Variants in USP37 observed in about 807,000 individuals in gnomAD.
USP37 encodes ubiquitin specific peptidase 37.
A neutral mutation model predicts 124.0 loss-of-function variants in USP37; 27 were observed. The observed-to-expected ratio is 0.22, with a 90% confidence interval of 0.16 to 0.30. The LOEUF (loss-of-function observed/expected upper bound fraction) is 0.30. Ranked by LOEUF, USP37 falls within the 10% of genes least tolerant of loss-of-function variation. USP37 has a pLI of 1.00. For synonymous variants in USP37, 365 were observed against 388.0 expected, an observed-to-expected ratio of 0.94 and a Z score of 0.70; for missense variants, 889 against 1,140.4, an observed-to-expected ratio of 0.78 and a Z score of 3.17.
intron 2 of USP37, among the ~76,000 whole-genome samples, chr2:218,561,956 T>C (rs182225623): frequency 2.3e-3 from 350 of 152,352 alleles, no homozygotes; most frequent in Non-Finnish European, 2.4e-3. Context: ...GATTTTTATG[T>C]GTTCTCCCCA....
intron 10 of USP37, among the ~76,000 whole-genome samples, chr2:218,520,295 C>T (rs1439925599): frequency 6.9e-6 from 1 of 145,272 alleles, no homozygotes; most frequent in Non-Finnish European, 1.5e-5. Flanking sequence ...GTTAACAATT[C>T]TTTATTATCA....
chr2:218,519,924 C>T (rs1690511898), intron 10 of USP37, among the ~76,000 whole-genome samples: 1 of 151,572 alleles, frequency 6.6e-6, no homozygotes, highest in African/African-American at 2.4e-5. Context: ...TTTCAATGCT[C>T]TGAAAATTCC....
At chr2:218,546,390 A>G in intron 7 of USP37, 92 bp from the exon 8 acceptor site, 1 of 805,998 alleles carries the variant, frequency 1.2e-6, no homozygotes, top group Non-Finnish European at 2.0e-6. Flanking sequence ...AGGAAATGGG[A>G]CTACTATTAT....
intron 23 of USP37, 83 bp from the exon 24 acceptor site, chr2:218,457,244 G>T: frequency 2.2e-6 from 3 of 1,342,384 alleles, no homozygotes; most frequent in Non-Finnish European, 3.1e-6. Context: ...TATCAAAGCT[G>T]ACATGGCTAA....
At chr2:218,511,613 T>A (rs1267349272) in intron 10 of USP37, among the ~76,000 whole-genome samples, 2 of 149,908 alleles carry the variant, frequency 1.3e-5, no homozygotes, top group African/African-American at 4.9e-5. Flanking sequence ...CCCAGCCTAA[T>A]TTTTTTGTAT....
intron 20 of USP37, among the ~76,000 whole-genome samples, chr2:218,472,617 A>C (rs868324690): frequency 1.6e-4 from 25 of 151,756 alleles, no homozygotes; most frequent in African/African-American, 6.1e-4. Flanking sequence ...CAGACATGCA[A>C]CATCACACCC....
intron 1 of USP37, among the ~76,000 whole-genome samples, chr2:218,567,895 G>A (rs1693728416): frequency 6.6e-6 from 1 of 152,202 alleles, no homozygotes; most frequent in Non-Finnish European, 1.5e-5. Flanking sequence ...GGCCCTGTTA[G>A]AAGGTAAGAG....
Position 218,474,619 on chromosome 2 carries a change from A to C in USP37, c.2299+11T>G. 6.2e-7 allele frequency: 1 copy of C among 1,613,360 alleles called. No homozygotes were observed. The highest frequency in any genetic ancestry group is 8.5e-7 in the Non-Finnish European group (1 of 1,179,782). ...TTTGTTTCACAGAGGTTTAATCTTC[A>C]TTAAACCTACCCAGCTCTGTGATTG... On this transcript the variant is annotated intron_variant, in intron 20 of 25. Transcript: ENST00000258399.
chr2:218,542,558 A>G (rs1010644777), intron 8 of USP37, among the ~76,000 whole-genome samples: 11 of 152,200 alleles, frequency 7.2e-5, no homozygotes, highest in African/African-American at 2.7e-4. Flanking sequence ...TTACCATTCC[A>G]CTATTTCTGA....
chr2:218,499,508 T>G (rs1689256027), intron 11 of USP37, among the ~76,000 whole-genome samples: 1 of 152,196 alleles, frequency 6.6e-6, no homozygotes, highest in Admixed American at 6.6e-5. Flanking sequence ...ATAAGACCAT[T>G]CTTATAAATA....
At chr2:218,551,054 A>AT (rs1040296849) in intron 5 of USP37, among the ~76,000 whole-genome samples, 18 of 151,076 alleles carry the variant, frequency 1.2e-4, no homozygotes, top group African/African-American at 2.2e-4. Context: ...TACTTTTATC[A>AT]TTTTTTTTTA....
chr2:218,536,702 T>G (rs1206360248), intron 8 of USP37, among the ~76,000 whole-genome samples: 1 of 152,198 alleles, frequency 6.6e-6, no homozygotes, highest in African/African-American at 2.4e-5. Flanking sequence ...TCCTTAGTAA[T>G]TCACATGCAC....
At chr2:218,470,191 C>T (rs1360547977) in intron 20 of USP37, among the ~76,000 whole-genome samples, 2 of 152,174 alleles carry the variant, frequency 1.3e-5, no homozygotes, top group Non-Finnish European at 2.9e-5. Context: ...CCACTCTCTT[C>T]CTGATATTCT....
At chr2:218,526,076 T>C (rs1417472868) in intron 10 of USP37, among the ~76,000 whole-genome samples, 1 of 152,244 alleles carries the variant, frequency 6.6e-6, no homozygotes, top group Non-Finnish European at 1.5e-5. Flanking sequence ...ACGTTCTTTA[T>C]CCAGTCTATC....
At position 218,452,381 on chromosome 2, in the gene USP37, T is replaced by C. The variant is rs1689508595; in HGVS notation, c.*2549A>G. 1 of 152,056 alleles carries C rather than the reference T, an allele frequency of 6.6e-6. No homozygotes were observed. Among genetic ancestry groups the C allele is most frequent in the African/African-American group, 2.4e-5 (1 of 41,408 alleles). 9.4% of individuals were successfully genotyped at this position (152,056 alleles called of 1,614,324 possible). A position where few individuals can be genotyped will look rare whatever the true frequency, so the allele number is the denominator to read the frequency against. On this transcript the variant is annotated 3_prime_UTR_variant, in exon 26 of 26. Coordinates refer to ENST00000258399, the MANE Select transcript of USP37 (RefSeq NM_020935.3). Reference sequence around the variant, plus strand: ...ACAATGTGCAAAAAATAATATATTATCTATTTATAATTTTAAAATATATAC... The same window carrying C: ...ACAATGTGCAAAAAATAATATATTACCTATTTATAATTTTAAAATATATAC...
intron 10 of USP37, among the ~76,000 whole-genome samples, chr2:218,518,483 T>TA (rs1690422556): frequency 6.6e-6 from 1 of 152,154 alleles, no homozygotes. Flanking sequence ...AAATCTAAGA[T>TA]ACAACCAATT....
chr2:218,518,305 C>T (rs1574914761), intron 10 of USP37, among the ~76,000 whole-genome samples: 1 of 152,072 alleles, frequency 6.6e-6, no homozygotes, highest in African/African-American at 2.4e-5. Flanking sequence ...ACAGAAATTT[C>T]CTTTATTTCT....
At chr2:218,491,899 A>G (rs1156582011) in intron 14 of USP37, among the ~76,000 whole-genome samples, 1 of 152,094 alleles carries the variant, frequency 6.6e-6, no homozygotes, top group Admixed American at 6.6e-5. Context: ...TGAGGGCACT[A>G]TCTAAATGAG....
chr2:218,539,335 T>G (rs1402243109), intron 8 of USP37, among the ~76,000 whole-genome samples: 1 of 152,168 alleles, frequency 6.6e-6, no homozygotes, highest in Non-Finnish European at 1.5e-5. Flanking sequence ...ACACAAAAAG[T>G]AACATACATT....
Sources: allele counts gnomAD v4.1 joint callset (sites outside exome capture counted in the v4.1 genomes callset), GRCh38; gene constraint gnomAD v4.1.1; transcripts MANE v1.5; gene names NCBI Gene and HGNC (gene_info 2026-07-23, HGNC 2026-07-21).